The following TMEM132B variants were observed in gnomAD, a reference collection of about 807,000 sequenced individuals.
TMEM132B encodes the protein transmembrane protein 132B.
Under a neutral mutation model 90.8 loss-of-function variants are expected in TMEM132B, and 18 were observed. That is an observed-to-expected ratio of 0.20 (90% CI 0.14 to 0.29). TMEM132B has a LOEUF of 0.29. TMEM132B is among the 10% of genes least tolerant of loss of function. The probability of loss-of-function intolerance (pLI) is 1.00; values close to 1 mark genes in which losing one functional copy is unlikely to be tolerated. For missense variants in TMEM132B, 1,096 were observed against 1,326.8 expected, an observed-to-expected ratio of 0.83 and a Z score of 2.70; for synonymous variants, 504 against 523.3, an observed-to-expected ratio of 0.96 and a Z score of 0.50.
intron 4 of TMEM132B, among the ~76,000 whole-genome samples, chr12:125,565,288 A>G (rs1437974195): frequency 1.3e-5 from 2 of 152,156 alleles, no homozygotes; most frequent in Admixed American, 1.3e-4. Context: ...TTGAGCTGCC[A>G]TGCATGCTCA....
At chr12:125,398,945 G>T (rs1879235248) in intron 2 of TMEM132B, among the ~76,000 whole-genome samples, 1 of 152,174 alleles carries the variant, frequency 6.6e-6, no homozygotes, top group Admixed American at 6.5e-5. Flanking sequence ...TGATTCAGTT[G>T]TTGGCAGAAT....
At chr12:125,481,607 AC>A (rs1882046304) in intron 3 of TMEM132B, among the ~76,000 whole-genome samples, 1 of 152,256 alleles carries the variant, frequency 6.6e-6, no homozygotes, top group Admixed American at 6.5e-5. Flanking sequence ...AAAAGAGGAC[AC>A]AAACAAATGG....
chr12:125,307,093 T>C (rs748062813), intron 1 of TMEM132B, among the ~76,000 whole-genome samples: 9 of 152,250 alleles, frequency 5.9e-5, no homozygotes, highest in Non-Finnish European at 1.2e-4. Flanking sequence ...GCTTCCTACT[T>C]AACACTGCAA....
chr12:125,507,734 G>A (rs2136620709), intron 3 of TMEM132B, among the ~76,000 whole-genome samples: 2 of 152,288 alleles, frequency 1.3e-5, no homozygotes, highest in Middle Eastern at 6.8e-3. Flanking sequence ...CTAAGGGGCC[G>A]GGTATAGATT....
chr12:125,607,646 G>A (rs567156418), intron 5 of TMEM132B, among the ~76,000 whole-genome samples: 1 of 152,252 alleles, frequency 6.6e-6, no homozygotes, highest in African/African-American at 2.4e-5. Flanking sequence ...TCAAGAGTTT[G>A]GTTGAGAAAA....
intron 5 of TMEM132B, among the ~76,000 whole-genome samples, chr12:125,628,267 G>C (rs182370965): frequency 6.6e-6 from 1 of 152,136 alleles, no homozygotes; most frequent in East Asian, 1.9e-4. Context: ...TTCCTATCAG[G>C]AGTGTACAAG....
chr12:125,434,307 C>A (rs1470407996), intron 3 of TMEM132B, among the ~76,000 whole-genome samples: 2 of 152,200 alleles, frequency 1.3e-5, no homozygotes, highest in East Asian at 3.9e-4. Context: ...TCTCCCCACC[C>A]CAGGAACCTT....
At chr12:125,590,535 G>A (rs561293527) in intron 5 of TMEM132B, among the ~76,000 whole-genome samples, 48 of 152,252 alleles carry the variant, frequency 3.2e-4, no homozygotes, top group South Asian at 2.9e-3. Context: ...TGTAGTCAAA[G>A]GGATTTGGCA....
At chr12:125,229,741 G>A (rs1873772967) in intron 1 of TMEM132B, among the ~76,000 whole-genome samples, 1 of 152,230 alleles carries the variant, frequency 6.6e-6, no homozygotes, top group South Asian at 2.1e-4. Flanking sequence ...GGCTTTGCTG[G>A]CTTCTGTTGG....
intron 3 of TMEM132B, among the ~76,000 whole-genome samples, chr12:125,514,857 C>G (rs67002256): frequency 0.24 from 36,392 of 151,894 alleles, 4,796 homozygotes; most frequent in South Asian, 0.36. Context: ...TGCCCTGTCC[C>G]TCTCTGCTGC....
intron 5 of TMEM132B, among the ~76,000 whole-genome samples, chr12:125,591,074 G>C (rs1885307555): frequency 6.6e-6 from 1 of 151,998 alleles, no homozygotes; most frequent in African/African-American, 2.4e-5. Context: ...GTGGCACGCT[G>C]GTGTTTCTAT....
At chr12:125,569,393 A>G (rs961265872) in intron 4 of TMEM132B, among the ~76,000 whole-genome samples, 3 of 152,166 alleles carry the variant, frequency 2.0e-5, no homozygotes, top group Non-Finnish European at 4.4e-5. Flanking sequence ...TGCCCGTCAC[A>G]GTGGCCTCGG....
chr12:125,381,054 A>G (rs1309807909), intron 2 of TMEM132B, among the ~76,000 whole-genome samples: 4 of 152,218 alleles, frequency 2.6e-5, no homozygotes, highest in Non-Finnish European at 5.9e-5. Flanking sequence ...GGAAGACACC[A>G]AATTTGTGTT....
At chr12:125,387,838 T>C (rs1395099952) in intron 2 of TMEM132B, among the ~76,000 whole-genome samples, 1 of 152,172 alleles carries the variant, frequency 6.6e-6, no homozygotes, top group African/African-American at 2.4e-5. Flanking sequence ...CAAAAGGCAA[T>C]GTAAAGAATT....
chr12:125,616,263 T>A (rs1885983903), intron 5 of TMEM132B, among the ~76,000 whole-genome samples: 1 of 152,086 alleles, frequency 6.6e-6, no homozygotes, highest in Admixed American at 6.5e-5. Flanking sequence ...ACAAAGGACA[T>A]GAACTCATCA....
At position 125,424,361 on chromosome 12, in the gene TMEM132B, C is replaced by T. The variant is rs181022897; in HGVS notation, c.1106+8684C>T. Reference sequence around the variant, plus strand: ...CTCCGTGTGTGTCCAGTGCTCACTTCCTTTGCCAACAGTGGGCCTTACCTT... The same window carrying T: ...CTCCGTGTGTGTCCAGTGCTCACTTTCTTTGCCAACAGTGGGCCTTACCTT... On this transcript the variant is annotated intron_variant, in intron 3 of 8. Transcript: ENST00000682704. Among the ~76,000 whole-genome samples the T allele has an allele frequency of 1.8e-3, 276 of 152,260 alleles. 2 individuals carry two copies. Among genetic ancestry groups the T allele is most frequent in the African/African-American group, 6.1e-3 (255 of 41,548 alleles).
At chr12:125,570,834 C>T (rs1252269102) in intron 4 of TMEM132B, among the ~76,000 whole-genome samples, 1 of 152,090 alleles carries the variant, frequency 6.6e-6, no homozygotes, top group Non-Finnish European at 1.5e-5. Context: ...GAATTAGATT[C>T]CTACTCAGAG....
chr12:125,373,284 G>C (rs183838546), intron 2 of TMEM132B, among the ~76,000 whole-genome samples: 2 of 152,306 alleles, frequency 1.3e-5, no homozygotes, highest in East Asian at 3.9e-4. Flanking sequence ...GGGCTGAATT[G>C]TGTCCCCCAA....
chr12:125,275,305 T>C (rs893723654), intron 1 of TMEM132B, among the ~76,000 whole-genome samples: 2 of 152,200 alleles, frequency 1.3e-5, no homozygotes, highest in African/African-American at 4.8e-5. Flanking sequence ...CTTTCTTAAT[T>C]TGAGGTCATC....
Sources: allele counts gnomAD v4.1 joint callset (sites outside exome capture counted in the v4.1 genomes callset), GRCh38; gene constraint gnomAD v4.1.1; transcripts MANE v1.5; gene names NCBI Gene and HGNC (gene_info 2026-07-23, HGNC 2026-07-21).